The following PHACTR1 variants were observed in gnomAD, a reference collection of about 807,000 sequenced individuals.
The protein encoded by PHACTR1 is RPEL repeat containing 1.
A neutral mutation model predicts 69.2 loss-of-function variants in PHACTR1; 16 were observed. The observed-to-expected ratio is 0.23, with a 90% CI of 0.16 to 0.35. PHACTR1 has a LOEUF of 0.35. Among genes scored for constraint, PHACTR1 ranks in the 10% least tolerant of loss-of-function variants. The pLI is 1.00. For synonymous variants in PHACTR1, 312 were observed against 284.5 expected, an observed-to-expected ratio of 1.10 and a Z score of -0.97; for missense variants, 510 against 734.7, an observed-to-expected ratio of 0.69 and a Z score of 3.54.
intron 6 of PHACTR1, among the ~76,000 whole-genome samples, chr6:13,166,466 A>C (rs1759827688): frequency 6.6e-6 from 1 of 152,192 alleles, no homozygotes; most frequent in South Asian, 2.1e-4. Context: ...ATGTTCAGCA[A>C]ATGCGAATAG....
chr6:13,199,413 C>A (rs111375827), intron 7 of PHACTR1, among the ~76,000 whole-genome samples: 1,072 of 89,606 alleles, frequency 0.012, 8 homozygotes, highest in African/African-American at 0.041. Flanking sequence ...AAAAAAAAAA[C>A]ATTGGCATCT....
chr6:13,278,457 C>T (rs1329195056), intron 12 of PHACTR1, 128 bp downstream of exon 12: 2 of 747,282 alleles, frequency 2.7e-6, no homozygotes, highest in Non-Finnish European at 2.2e-6. Flanking sequence ...GAGAGTGCCA[C>T]TCTCTTACTC....
At chr6:12,969,578 C>A (rs1793921732) in intron 4 of PHACTR1, among the ~76,000 whole-genome samples, 1 of 152,130 alleles carries the variant, frequency 6.6e-6, no homozygotes, top group African/African-American at 2.4e-5. Context: ...CCCAGCTCTA[C>A]CAAAAATATA....
At chr6:12,907,132 C>T (rs1424301956) in intron 4 of PHACTR1, among the ~76,000 whole-genome samples, 2 of 152,046 alleles carry the variant, frequency 1.3e-5, no homozygotes, top group Non-Finnish European at 2.9e-5. Context: ...TTTTAAAGTC[C>T]TTTCAGCTAC....
chr6:12,820,526 G>A (rs796487831), intron 4 of PHACTR1, among the ~76,000 whole-genome samples: 46 of 152,242 alleles, frequency 3.0e-4, no homozygotes, highest in African/African-American at 9.9e-4. Context: ...TTGTTTCAGA[G>A]CAAAGAGATG....
At chr6:12,984,246 G>A (rs1238541300) in intron 4 of PHACTR1, among the ~76,000 whole-genome samples, 1 of 152,200 alleles carries the variant, frequency 6.6e-6, no homozygotes, top group Non-Finnish European at 1.5e-5. Flanking sequence ...ATTCTAACTG[G>A]TATGAGATGG....
At chr6:12,944,417 C>A (rs1790379280) in intron 4 of PHACTR1, among the ~76,000 whole-genome samples, 1 of 152,178 alleles carries the variant, frequency 6.6e-6, no homozygotes. Flanking sequence ...AAATCCCTCA[C>A]CATCCACAAT....
chr6:12,889,742 TTTCTTC>T (rs766006556), intron 4 of PHACTR1, among the ~76,000 whole-genome samples: 1 of 145,248 alleles, frequency 6.9e-6, no homozygotes, highest in Admixed American at 7.1e-5. Flanking sequence ...TTCTTTCTTC[TTTCTTC>T]TTCTTCTTCT....
intron 3 of PHACTR1, among the ~76,000 whole-genome samples, chr6:12,729,259 A>C (rs1267023004): frequency 6.6e-6 from 1 of 152,214 alleles, no homozygotes; most frequent in East Asian, 1.9e-4. Context: ...ACAAATTCCA[A>C]AAGTATCCTC....
At chr6:12,725,888 T>A (rs1762726692) in intron 3 of PHACTR1, among the ~76,000 whole-genome samples, 1 of 152,158 alleles carries the variant, frequency 6.6e-6, no homozygotes, top group Non-Finnish European at 1.5e-5. Flanking sequence ...TTAAAAAAAT[T>A]TTTATATTTT....
rs150233514 is a variant in PHACTR1 at position 12,721,553 on chromosome 6, T to A, written c.103+2706T>A. On this transcript the variant is annotated intron_variant, in intron 3 of 14. Transcript: ENST00000332995. ...TCCTGTCAAAACCCAACTCAGGGCATAACTGAAAAATAGCTCATCTTGCTG... is the reference window on the plus strand; with the variant it reads ...TCCTGTCAAAACCCAACTCAGGGCAAAACTGAAAAATAGCTCATCTTGCTG... 4.4e-3 allele frequency among the ~76,000 whole-genome samples: 666 copies of A among 152,332 alleles called. 4 individuals carry two copies. Among genetic ancestry groups the A allele is most frequent in the African/African-American group, 0.015 (633 of 41,576 alleles).
At chr6:12,856,553 G>A (rs1402427224) in intron 4 of PHACTR1, among the ~76,000 whole-genome samples, 1 of 152,076 alleles carries the variant, frequency 6.6e-6, no homozygotes, top group African/African-American at 2.4e-5. Context: ...ACTGTGCCTG[G>A]CCCAAATTCA....
intron 11 of PHACTR1, among the ~76,000 whole-genome samples, chr6:13,277,106 T>C (rs779974425): frequency 2.0e-5 from 3 of 152,326 alleles, no homozygotes; most frequent in East Asian, 3.9e-4. Context: ...TCCACAGATA[T>C]CAAGGAATTC....
At position 12,769,671 on chromosome 6, in the gene PHACTR1, C is replaced by T. The variant is rs142782360; in HGVS notation, c.250+19881C>T. Among the ~76,000 whole-genome samples, 3 of 152,322 alleles carry T rather than the reference C, an allele frequency of 2.0e-5. No homozygotes were observed. In the East Asian group the frequency reaches 5.8e-4, roughly 29 times the overall value. On this transcript the variant is annotated intron_variant, in intron 4 of 14. Coordinates refer to ENST00000332995, the MANE Select transcript of PHACTR1 (RefSeq NM_030948.6). ...TGAGCACTGAGGAAATGTTCACTGG[C>T]CCAGTCAGCCCAGGATGCTAATAAG...
intron 4 of PHACTR1, among the ~76,000 whole-genome samples, chr6:12,952,374 C>T (rs919769239): frequency 9.2e-5 from 14 of 152,196 alleles, no homozygotes; most frequent in African/African-American, 2.7e-4. Context: ...TAAAAATCCT[C>T]TGTGCTCCAC....
intron 3 of PHACTR1, among the ~76,000 whole-genome samples, chr6:12,746,355 G>A (rs745348580): frequency 8.5e-5 from 13 of 152,116 alleles, no homozygotes; most frequent in Non-Finnish European, 1.5e-4. Flanking sequence ...TCAACATAGC[G>A]AAACTCTAGC....
chr6:13,124,650 T>A (rs1161666672), intron 5 of PHACTR1, among the ~76,000 whole-genome samples: 1 of 152,136 alleles, frequency 6.6e-6, no homozygotes, highest in East Asian at 1.9e-4. Context: ...AATACCACAG[T>A]CTAGGAGGCT....
In PHACTR1 at chr6:12,836,565, A is replaced by G. The variant is rs549123906; in HGVS notation, c.250+86775A>G. Among the ~76,000 whole-genome samples the G allele has an allele frequency of 4.0e-4, 61 of 152,310 alleles. No homozygotes were observed. The Middle Eastern group carries it at 0.01, about 25-fold the overall frequency. On this transcript the variant is annotated intron_variant, in intron 4 of 14. Transcript: ENST00000332995. ...ATCTTCAAGTACTAATCAGACTATCATTGAAACTGTCCCTGTAAACTTTAT... is the reference window on the plus strand; with the variant it reads ...ATCTTCAAGTACTAATCAGACTATCGTTGAAACTGTCCCTGTAAACTTTAT...
intron 5 of PHACTR1, among the ~76,000 whole-genome samples, chr6:13,158,233 A>C (rs1196722732): frequency 1.3e-5 from 2 of 152,102 alleles, no homozygotes; most frequent in Non-Finnish European, 2.9e-5. Context: ...AACTGCATGC[A>C]ATTCCCTGTC....
Sources: gnomAD v4.1 joint callset for allele counts (sites outside exome capture counted in the v4.1 genomes callset) on GRCh38, gnomAD v4.1.1 for gene constraint, MANE v1.5 for transcripts, NCBI Gene and HGNC (gene_info 2026-07-23, HGNC 2026-07-21) for gene names.